KLRC2: variants seen among roughly 807,000 people sequenced by gnomAD.
The protein encoded by KLRC2 is NKG2-C type II integral membrane protein.
KLRC2 carries 10 observed loss-of-function variants against 25.5 expected under a neutral mutation model. The ratio of observed to expected loss-of-function variants is 0.39; its 90% confidence interval spans 0.24 to 0.67. KLRC2 has a LOEUF of 0.67. Ranked by LOEUF, KLRC2 falls within the 30% of genes least tolerant of loss-of-function variation. The pLI is 0.45. For missense variants in KLRC2, 170 were observed against 272.8 expected (o/e 0.62, Z 2.65); for synonymous variants, 48 against 93.3 (o/e 0.51, Z 2.80).
At chr12:10,432,561 G>A (rs1321027906) in intron 4 of KLRC2, among the ~76,000 whole-genome samples, 1 of 135,768 alleles carries the variant, frequency 7.4e-6, no homozygotes, top group Non-Finnish European at 1.6e-5. Context: ...GGAATTGAGG[G>A]GTTGTCATTC....
intron 4 of KLRC2, among the ~76,000 whole-genome samples, 181 bp downstream of exon 4, chr12:10,433,609 GA>G (rs1447875125): frequency 7.1e-6 from 1 of 141,684 alleles, no homozygotes. Flanking sequence ...AACAAAAACT[GA>G]AAATAAATGT....
rs1424577642 is a variant in KLRC2 at position 10,430,856 on chromosome 12, T to C, written c.*261A>G. 2 of 584,444 alleles carry C rather than the reference T, an allele frequency of 3.4e-6. No homozygotes were observed. Among genetic ancestry groups the C allele is most frequent in the Non-Finnish European group, 4.8e-6 (2 of 420,098 alleles). 36.2% of individuals were successfully genotyped at this position (584,444 alleles called of 1,614,324 possible). On this transcript the variant is annotated 3_prime_UTR_variant, in exon 6 of 6. Coordinates refer to ENST00000381902, the MANE Select transcript of KLRC2 (RefSeq NM_002260.4). ...CCATGGGTTTGACTGTTCTTGGTAC[T>C]TCCTATAAGCTGACTCACATAACAT...
rs1863843699 is a variant in KLRC2, at chr12:10,434,073, T to A, written c.332-131A>T. On this transcript the variant is annotated intron_variant, in intron 3 of 5. Transcript: ENST00000381902. Reference sequence around the variant, plus strand: ...GCATCCTTACAGGCTTATAAATGTATATTTTTAATAACTGAGTCAGTCATA... The same window carrying A: ...GCATCCTTACAGGCTTATAAATGTAAATTTTTAATAACTGAGTCAGTCATA... The A allele has an allele frequency of 5.3e-6, 7 of 1,316,010 alleles. 1 individual carries two copies. Among genetic ancestry groups the A allele is most frequent in the Non-Finnish European group, 6.2e-6 (6 of 972,022 alleles). 81.5% of individuals were successfully genotyped at this position (1,316,010 alleles called of 1,614,324 possible).
At chr12:10,435,617 C>T (rs1383308105) in intron 1 of KLRC2, among the ~76,000 whole-genome samples, 183 bp downstream of exon 1, 2 of 140,380 alleles carry the variant, frequency 1.4e-5, no homozygotes, top group East Asian at 2.1e-4. Flanking sequence ...ATGAGTGGAC[C>T]GCAGATTACA....
At position 10,433,569 on chromosome 12, in the gene KLRC2, G is replaced by C. The variant is rs918133507; in HGVS notation, c.483+222C>G. ...TAGCAAAATTTATTGTGGATTCAAA[G>C]CACTTATAGAAGCATGGTTTTCCTT... On this transcript the variant is annotated intron_variant, in intron 4 of 5. Coordinates refer to ENST00000381902, the MANE Select transcript of KLRC2 (RefSeq NM_002260.4). 8.5e-5 allele frequency among the ~76,000 whole-genome samples: 12 copies of C among 141,952 alleles called. 3 individuals carry two copies. The highest frequency in any genetic ancestry group is 3.2e-4 in the African/African-American group (12 of 37,234). The allele number at this position is 141,952 out of a possible 152,430, so 93.1% of individuals were successfully genotyped here. A position where few individuals can be genotyped will look rare whatever the true frequency, so the allele number is the denominator to read the frequency against.
In KLRC2 at chr12:10,433,093, G is replaced by A. The variant is rs1489878557; in HGVS notation, c.483+698C>T. 9.2e-5 allele frequency among the ~76,000 whole-genome samples: 13 copies of A among 140,994 alleles called. 3 individuals are homozygous for A. Among genetic ancestry groups the A allele is most frequent in the African/African-American group, 3.5e-4 (13 of 36,720 alleles). 92.5% of individuals were successfully genotyped at this position (140,994 alleles called of 152,430 possible). The stretch of plus-strand genomic sequence containing the variant: ...CTGTGGATGAGGAGGATCAGCAAAG[G>A]GACCCCATGACTAACAGTGCACCGT... On this transcript the variant is annotated intron_variant, in intron 4 of 5. Coordinates refer to ENST00000381902, the MANE Select transcript of KLRC2 (RefSeq NM_002260.4).
rs774085324 is a variant in KLRC2, at chr12:10,433,953, T to A, written c.332-11A>T. 5.2e-6 allele frequency: 8 copies of A among 1,543,996 alleles called. 1 individual carries two copies. The highest frequency in any genetic ancestry group is 7.1e-6 in the Non-Finnish European group (8 of 1,133,248). On this transcript the variant is annotated splice_polypyrimidine_tract_variant and intron_variant, in intron 3 of 5. Transcript: ENST00000381902. ...GGCCACAATGACGTGCTAATAAAGA[T>A]ATGAATTACTATCTAGACCAATATG...
rs769246569 is a variant in KLRC2, at chr12:10,433,894, C to T, written c.380G>A (p.Ser127Asn). ...CPEEWITYSN[S>N]CYYIGKERRT... ...TCTTTCCTTACCAATGTAATAACAA[C>T]TGTTGGAATATGTAATCCACTCCTC... is the stretch of plus-strand genomic sequence containing the variant. The change falls in exon 4 of 6, where the codon AGT becomes AAT. Residue 127 changes from serine (S) to asparagine (N), a missense_variant. Physicochemically the swap from Ser to Asn is conservative, Grantham distance 46. Around this residue, in one of 3 missense-constraint regions of KLRC2, gnomAD observed 129 missense variants for 150.2 expected, o/e 0.86. Coordinates refer to ENST00000381902, the MANE Select transcript of KLRC2 (RefSeq NM_002260.4). The T allele has an allele frequency of 3.9e-6, 6 of 1,550,828 alleles. 1 individual carries two copies. The highest frequency in any genetic ancestry group is 3.4e-5 in the Admixed American group (2 of 58,604).
intron 2 of KLRC2, 82 bp from the exon 3 acceptor site, chr12:10,434,612 C>T: frequency 1.8e-6 from 2 of 1,113,982 alleles, no homozygotes; most frequent in Non-Finnish European, 2.6e-6. Flanking sequence ...TACTTTGAAA[C>T]TTTGTGTGTT....
intron 4 of KLRC2, 98 bp downstream of exon 4, chr12:10,433,693 T>G: frequency 2.2e-5 from 27 of 1,231,862 alleles, no homozygotes; most frequent in Non-Finnish European, 2.6e-5. Context: ...TGAAAATATA[T>G]GAGATAAATA....
In KLRC2 at chr12:10,434,184, CAT is replaced by C. The variant is rs1386482330; in HGVS notation, c.332-244_332-243del. The C allele has an allele frequency of 2.1e-5, 15 of 698,120 alleles. 3 individuals carry two copies. The highest frequency in any genetic ancestry group is 1.8e-4 in the Admixed American group (8 of 45,134). The allele number at this position is 698,120 out of a possible 1,614,324, so 43.2% of individuals were successfully genotyped here. A position where few individuals can be genotyped will look rare whatever the true frequency, so the allele number is the denominator to read the frequency against. ...TGAACAAACAAAAATACACTCTACA[CAT>C]GTGTTGAACATCGCTGATACACAAC... is the stretch of plus-strand genomic sequence containing the variant. On this transcript the variant is annotated intron_variant, in intron 3 of 5. Coordinates refer to ENST00000381902, the MANE Select transcript of KLRC2 (RefSeq NM_002260.4).
In KLRC2 at chr12:10,432,070, T is replaced by C. The variant is rs367808288; in HGVS notation, c.584+36A>G. 5.2e-6 allele frequency: 7 copies of C among 1,353,380 alleles called. 1 individual carries two copies. The highest frequency in any genetic ancestry group is 7.1e-6 in the Non-Finnish European group (7 of 982,412). The allele number at this position is 1,353,380 out of a possible 1,614,324, so 83.8% of individuals were successfully genotyped here. On this transcript the variant is annotated intron_variant, in intron 5 of 5. Transcript: ENST00000381902. ...TATTCTTCTGAATTTATCCTTTATA[T>C]ATATTTTTTATATAGCGCCATACAA...
chr12:10,432,960 T>C lies in KLRC2; in HGVS notation c.484-754A>G, dbSNP rs1006881150. Among the ~76,000 whole-genome samples, 16 of 139,404 alleles carry C rather than the reference T, an allele frequency of 1.1e-4. 5 individuals are homozygous for C. Among genetic ancestry groups the C allele is most frequent in the Non-Finnish European group, 2.2e-4 (14 of 63,892 alleles). 91.5% of individuals were successfully genotyped at this position (139,404 alleles called of 152,430 possible). ...TATCGAAGGAGAGTCCCCTCCACAA[T>C]ACCAGGCAAGGCTGGTGCCACTGGC... is the stretch of plus-strand genomic sequence containing the variant. On this transcript the variant is annotated intron_variant, in intron 4 of 5. Transcript: ENST00000381902.
intron 4 of KLRC2, among the ~76,000 whole-genome samples, chr12:10,433,330 T>A (rs2137873760): frequency 7.0e-6 from 1 of 142,400 alleles, no homozygotes; most frequent in South Asian, 2.2e-4. Flanking sequence ...TCCCTTTATA[T>A]AAATAAATTC....
chr12:10,432,523 A>G lies in KLRC2; in HGVS notation c.484-317T>C, dbSNP rs1863826647. Among the ~76,000 whole-genome samples the G allele has an allele frequency of 3.1e-5, 4 of 128,496 alleles. 1 individual carries two copies. The South Asian group carries it at 7.3e-4, about 23-fold the overall frequency. The allele number at this position is 128,496 out of a possible 152,430, so 84.3% of individuals were successfully genotyped here. A position where few individuals can be genotyped will look rare whatever the true frequency, so the allele number is the denominator to read the frequency against. The stretch of plus-strand genomic sequence containing the variant: ...GACTAAATCAATCTATTTTTGTGCT[A>G]TATTTCTCAGAGTTGGAGATTTAGA... On this transcript the variant is annotated intron_variant, in intron 4 of 5. Transcript: ENST00000381902.
intron 1 of KLRC2, 95 bp downstream of exon 1, chr12:10,435,705 C>T (rs1863862282): frequency 2.2e-6 from 3 of 1,343,398 alleles, no homozygotes; most frequent in African/African-American, 1.6e-5. Flanking sequence ...CTCCGATTCT[C>T]ACAAGTGCAA....
At position 10,433,675 on chromosome 12, in the gene KLRC2, C is replaced by T. The variant is rs1182366528; in HGVS notation, c.483+116G>A. The T allele has an allele frequency of 1.4e-5, 15 of 1,097,556 alleles. 1 individual carries two copies. The highest frequency in any genetic ancestry group is 7.0e-5 in the African/African-American group (4 of 57,276). 68.0% of individuals were successfully genotyped at this position (1,097,556 alleles called of 1,614,324 possible). On this transcript the variant is annotated intron_variant, in intron 4 of 5. Coordinates refer to ENST00000381902, the MANE Select transcript of KLRC2 (RefSeq NM_002260.4). ...TATTAAGTCAATCAATTGAATATTA[C>T]ATACACTTGAAAATATATGAGATAA... is the stretch of plus-strand genomic sequence containing the variant.
rs1469506585 is a variant in KLRC2, at chr12:10,431,354, A to G, written c.585-126T>C. 54 of 1,150,132 alleles carry G rather than the reference A, an allele frequency of 4.7e-5. 4 individuals are homozygous for G. Among genetic ancestry groups the G allele is most frequent in the Non-Finnish European group, 6.6e-5 (53 of 807,032 alleles). The allele number at this position is 1,150,132 out of a possible 1,614,324, so 71.2% of individuals were successfully genotyped here. A position where few individuals can be genotyped will look rare whatever the true frequency, so the allele number is the denominator to read the frequency against. On this transcript the variant is annotated intron_variant, in intron 5 of 5. Transcript: ENST00000381902. Reference sequence around the variant, plus strand: ...GGGTAATTAAATTTTTCATAATATTAGTAAGAGTCATTATTCTGAACACTC... The same window carrying G: ...GGGTAATTAAATTTTTCATAATATTGGTAAGAGTCATTATTCTGAACACTC...
At position 10,433,236 on chromosome 12, in the gene KLRC2, T is replaced by C. The variant is rs1418466621; in HGVS notation, c.483+555A>G. ...CATAGTACAGCAGTGAACAGTAACA[T>C]ACTACTGATAACTGCAATAATATGG... On this transcript the variant is annotated intron_variant, in intron 4 of 5. Coordinates refer to ENST00000381902, the MANE Select transcript of KLRC2 (RefSeq NM_002260.4). Among the ~76,000 whole-genome samples the C allele has an allele frequency of 4.2e-5, 6 of 142,180 alleles. 1 individual carries two copies. Among genetic ancestry groups the C allele is most frequent in the Non-Finnish European group, 9.2e-5 (6 of 64,884 alleles). 93.3% of individuals were successfully genotyped at this position (142,180 alleles called of 152,430 possible).
Sources: allele counts gnomAD v4.1 joint callset (sites outside exome capture counted in the v4.1 genomes callset), GRCh38; gene constraint gnomAD v4.1.1; regional missense constraint gnomAD v4.1.1; transcripts MANE v1.5; gene names NCBI Gene and HGNC (gene_info 2026-07-23, HGNC 2026-07-21).